The following CNTNAP2 variants were observed in gnomAD, a reference collection of about 807,000 sequenced individuals.
The protein encoded by CNTNAP2 is contactin associated protein 2.
A neutral mutation model predicts 155.2 loss-of-function variants in CNTNAP2; 98 were observed. The ratio of observed to expected loss-of-function variants is 0.63; its 90% CI spans 0.54 to 0.75. The LOEUF (loss-of-function observed/expected upper bound fraction) is 0.75. CNTNAP2 is among the 30% of genes least tolerant of loss of function. The pLI is 0.00. For missense variants in CNTNAP2, 1,727 were observed against 1,688.1 expected, an observed-to-expected ratio of 1.02 and a Z score of -0.40; for synonymous variants, 651 against 631.2, an observed-to-expected ratio of 1.03 and a Z score of -0.47.
intron 5 of CNTNAP2, among the ~76,000 whole-genome samples, chr7:147,116,311 T>G (rs1001488365): frequency 6.6e-6 from 1 of 152,148 alleles, no homozygotes; most frequent in Non-Finnish European, 1.5e-5. Context: ...AGGTCAGGGA[T>G]TGACTTAAAA....
At chr7:147,661,546 C>T (rs915638091) in intron 13 of CNTNAP2, among the ~76,000 whole-genome samples, 3 of 139,696 alleles carry the variant, frequency 2.1e-5, no homozygotes, top group African/African-American at 3.1e-5. Flanking sequence ...CTAATTGCTT[C>T]TTCTTCTTCT....
intron 8 of CNTNAP2, among the ~76,000 whole-genome samples, chr7:147,265,750 C>T (rs988754291): frequency 6.6e-6 from 1 of 152,120 alleles, no homozygotes; most frequent in South Asian, 2.1e-4. Context: ...TATCCAGGAG[C>T]ATTCCTACTG....
chr7:148,305,078 C>G (rs1386938395), intron 21 of CNTNAP2, among the ~76,000 whole-genome samples: 1 of 147,562 alleles, frequency 6.8e-6, no homozygotes, highest in African/African-American at 2.5e-5. Flanking sequence ...AAGACATTAA[C>G]TTGGTATTAT....
chr7:148,282,288 G>GCA (rs1796988209), intron 21 of CNTNAP2, among the ~76,000 whole-genome samples: 3 of 152,208 alleles, frequency 2.0e-5, no homozygotes, highest in African/African-American at 7.2e-5. Context: ...TGTCATAAGT[G>GCA]TAGGCTGGAA....
At chr7:147,651,000 T>C (rs1250402273) in intron 13 of CNTNAP2, among the ~76,000 whole-genome samples, 2 of 152,088 alleles carry the variant, frequency 1.3e-5, no homozygotes, top group Admixed American at 6.6e-5. Context: ...GCCTCCCCTG[T>C]TTGAAGAGGT....
At chr7:148,405,569 T>C in intron 22 of CNTNAP2, among the ~76,000 whole-genome samples, 1 of 145,182 alleles carries the variant, frequency 6.9e-6, no homozygotes, top group African/African-American at 2.5e-5. Context: ...CCTGAGTAGC[T>C]GGGACTACAG....
At chr7:147,046,951 G>A (rs1799371691) in intron 4 of CNTNAP2, among the ~76,000 whole-genome samples, 1 of 146,046 alleles carries the variant, frequency 6.8e-6, no homozygotes, top group South Asian at 2.2e-4. Context: ...AGAATGGCGT[G>A]AACCCGGGAG....
chr7:147,170,693 C>CTGGGT (rs1264732389), intron 8 of CNTNAP2, among the ~76,000 whole-genome samples: 1 of 152,170 alleles, frequency 6.6e-6, no homozygotes, highest in East Asian at 1.9e-4. Flanking sequence ...CTCCTCTGGA[C>CTGGGT]TGGGTTGGGT....
intron 2 of CNTNAP2, among the ~76,000 whole-genome samples, chr7:146,836,143 A>G (rs1020852240): frequency 2.0e-5 from 3 of 152,160 alleles, no homozygotes; most frequent in African/African-American, 7.2e-5. Flanking sequence ...CATAGATAGC[A>G]CCCATATAAC....
At chr7:147,215,114 G>C (rs1044097160) in intron 8 of CNTNAP2, among the ~76,000 whole-genome samples, 1 of 152,082 alleles carries the variant, frequency 6.6e-6, no homozygotes, top group African/African-American at 2.4e-5. Context: ...ATTATAATTT[G>C]AGATAAGATT....
intron 12 of CNTNAP2, among the ~76,000 whole-genome samples, chr7:147,565,147 A>G (rs1046937497): frequency 2.0e-5 from 3 of 152,174 alleles, no homozygotes; most frequent in Non-Finnish European, 4.4e-5. Context: ...CCTAAATCCG[A>G]AGTATAAAAG....
intron 15 of CNTNAP2, among the ~76,000 whole-genome samples, chr7:148,037,674 A>G (rs968746664): frequency 6.6e-6 from 1 of 152,212 alleles, no homozygotes; most frequent in Non-Finnish European, 1.5e-5. Context: ...GAGAAGAACC[A>G]CATAACATAA....
intron 12 of CNTNAP2, among the ~76,000 whole-genome samples, chr7:147,609,026 C>T (rs1801129229): frequency 6.6e-6 from 1 of 152,122 alleles, no homozygotes; most frequent in Non-Finnish European, 1.5e-5. Flanking sequence ...TCTTCAGTTA[C>T]TTCAGGCCAT....
chr7:146,592,506 T>C (rs192996746), intron 1 of CNTNAP2, among the ~76,000 whole-genome samples: 1 of 152,312 alleles, frequency 6.6e-6, no homozygotes, highest in Admixed American at 6.5e-5. Context: ...GCACTGTAGT[T>C]ATAAGCCATG....
chr7:146,201,755 T>G (rs1324492976), intron 1 of CNTNAP2, among the ~76,000 whole-genome samples: 6 of 152,100 alleles, frequency 3.9e-5, no homozygotes, highest in African/African-American at 1.2e-4. Context: ...GAATCATACA[T>G]AATTTTTCTT....
At chr7:148,284,849 A>G (rs1797053460) in intron 21 of CNTNAP2, among the ~76,000 whole-genome samples, 1 of 152,222 alleles carries the variant, frequency 6.6e-6, no homozygotes, top group Non-Finnish European at 1.5e-5. Flanking sequence ...TGCTCTGAAG[A>G]ACAAAACAGA....
At chr7:147,165,224 T>G (rs893483556) in intron 8 of CNTNAP2, among the ~76,000 whole-genome samples, 5 of 152,214 alleles carry the variant, frequency 3.3e-5, no homozygotes, top group Non-Finnish European at 4.4e-5. Flanking sequence ...CATTGTGGTT[T>G]TGATTTGTAC....
At chr7:146,892,635 G>A (rs1795803624) in intron 3 of CNTNAP2, among the ~76,000 whole-genome samples, 1 of 152,094 alleles carries the variant, frequency 6.6e-6, no homozygotes, top group South Asian at 2.1e-4. Flanking sequence ...TCTTAGCTGG[G>A]CGTGGTGGCA....
At chr7:147,799,976 C>A (rs1797958201) in intron 13 of CNTNAP2, among the ~76,000 whole-genome samples, 1 of 152,112 alleles carries the variant, frequency 6.6e-6, no homozygotes, top group Non-Finnish European at 1.5e-5. Flanking sequence ...ACTTAACAGG[C>A]CTCTGTCATG....
Sources: allele counts gnomAD v4.1 joint callset (sites outside exome capture counted in the v4.1 genomes callset), GRCh38; gene constraint gnomAD v4.1.1; transcripts MANE v1.5; gene names NCBI Gene and HGNC (gene_info 2026-07-23, HGNC 2026-07-21).